Variants in SPTSSA observed in about 807,000 individuals in gnomAD.
SPTSSA encodes small subunit of serine palmitoyltransferase A.
In SPTSSA, 8 loss-of-function variants were observed where a neutral mutation model predicts 9.1. The ratio of observed to expected loss-of-function variants is 0.88; its 90% CI spans 0.51 to 1.58. SPTSSA has a LOEUF of 1.58. Ranked by LOEUF, SPTSSA falls within the 40% of genes most tolerant of loss-of-function variation. The pLI is 0.00. For missense variants in SPTSSA, 100 were observed against 93.8 expected, an observed-to-expected ratio of 1.07 and a Z score of -0.27; for synonymous variants, 42 against 37.7, an observed-to-expected ratio of 1.11 and a Z score of -0.41.
At chr14:34,438,111 C>A (rs907377462) in intron 1 of SPTSSA, among the ~76,000 whole-genome samples, 1 of 152,040 alleles carries the variant, frequency 6.6e-6, no homozygotes, top group South Asian at 2.1e-4. Flanking sequence ...CTGGCCAATC[C>A]CCTTTACTCT....
intron 1 of SPTSSA, among the ~76,000 whole-genome samples, chr14:34,453,228 C>T (rs1840357564): frequency 6.6e-6 from 1 of 152,236 alleles, no homozygotes; most frequent in African/African-American, 2.4e-5. Flanking sequence ...GGCAGTACTC[C>T]TAACCCCCAA....
At chr14:34,448,297 G>A (rs1406414142) in intron 1 of SPTSSA, among the ~76,000 whole-genome samples, 1 of 152,030 alleles carries the variant, frequency 6.6e-6, no homozygotes, top group East Asian at 1.9e-4. Context: ...ACAGAGCAGG[G>A]CGAGAGTTCC....
intron 1 of SPTSSA, among the ~76,000 whole-genome samples, chr14:34,455,288 G>C (rs1178211835): frequency 6.6e-6 from 1 of 151,968 alleles, no homozygotes; most frequent in East Asian, 1.9e-4. Flanking sequence ...TGGGGAGGCT[G>C]ATGCAAGAGA....
At chr14:34,461,088 A>C (rs1878607207) in intron 1 of SPTSSA, among the ~76,000 whole-genome samples, 1 of 152,212 alleles carries the variant, frequency 6.6e-6, no homozygotes, top group African/African-American at 2.4e-5. Flanking sequence ...AGTTATTCTG[A>C]AGTAAGCTAC....
chr14:34,436,365 A>C (rs147385989), intron 1 of SPTSSA, among the ~76,000 whole-genome samples: 1 of 152,292 alleles, frequency 6.6e-6, no homozygotes, highest in Non-Finnish European at 1.5e-5. Flanking sequence ...ATTATGTCAA[A>C]TCTAAGGGCT....
intron 1 of SPTSSA, among the ~76,000 whole-genome samples, chr14:34,443,180 T>C (rs1301714868): frequency 1.6e-5 from 1 of 63,454 alleles, no homozygotes. Flanking sequence ...TGTTTTGAGA[T>C]TGAGTTTTCC....
At chr14:34,460,174 G>GA (rs1461736427) in intron 1 of SPTSSA, among the ~76,000 whole-genome samples, 1 of 152,060 alleles carries the variant, frequency 6.6e-6, no homozygotes, top group Non-Finnish European at 1.5e-5. Flanking sequence ...AGTTGAAGTG[G>GA]AAAAATATAA....
intron 1 of SPTSSA, among the ~76,000 whole-genome samples, chr14:34,438,343 C>A (rs779837372): frequency 6.6e-6 from 1 of 151,960 alleles, no homozygotes; most frequent in African/African-American, 2.4e-5. Flanking sequence ...GTGAGCACAC[C>A]TAATCCAGTA....
At chr14:34,461,983 G>T in intron 1 of SPTSSA, 113 bp downstream of exon 1, 2 of 671,030 alleles carry the variant, frequency 3.0e-6, no homozygotes, top group South Asian at 6.8e-5. Flanking sequence ...CCGCGCACAG[G>T]ACCGGCGGGG....
chr14:34,447,677 T>C (rs10129746), intron 1 of SPTSSA, among the ~76,000 whole-genome samples: 1 of 152,138 alleles, frequency 6.6e-6, no homozygotes, highest in South Asian at 2.1e-4. Context: ...TTGGACTAAG[T>C]TCATGCACTG....
intron 1 of SPTSSA, among the ~76,000 whole-genome samples, chr14:34,458,741 C>T (rs1026509550): frequency 2.7e-5 from 4 of 150,676 alleles, no homozygotes; most frequent in Non-Finnish European, 3.0e-5. Context: ...CCACCGCGCC[C>T]GGCCAAGATT....
At chr14:34,461,205 A>G (rs889372209) in intron 1 of SPTSSA, among the ~76,000 whole-genome samples, 2 of 152,190 alleles carry the variant, frequency 1.3e-5, no homozygotes, top group African/African-American at 4.8e-5. Flanking sequence ...CATCTCATTC[A>G]TTATCAGTAT....
chr14:34,438,509 G>A (rs962024434), intron 1 of SPTSSA, among the ~76,000 whole-genome samples: 2 of 152,084 alleles, frequency 1.3e-5, no homozygotes, highest in Admixed American at 6.5e-5. Context: ...ACTGCAGACA[G>A]ATATTTCTAC....
At chr14:34,454,801 T>A (rs1405219801) in intron 1 of SPTSSA, among the ~76,000 whole-genome samples, 1 of 152,162 alleles carries the variant, frequency 6.6e-6, no homozygotes, top group African/African-American at 2.4e-5. Flanking sequence ...ATTGTTCATT[T>A]CCCAGACAGG....
chr14:34,452,182 G>C (rs1261454367), intron 1 of SPTSSA, among the ~76,000 whole-genome samples: 2 of 149,570 alleles, frequency 1.3e-5, no homozygotes, highest in Non-Finnish European at 3.0e-5. Flanking sequence ...GGAGGCGGAG[G>C]TTGCAGTGAG....
intron 1 of SPTSSA, among the ~76,000 whole-genome samples, chr14:34,455,042 G>A (rs1883592774): frequency 6.6e-6 from 1 of 151,178 alleles, no homozygotes; most frequent in Admixed American, 6.6e-5. Flanking sequence ...ACCCAAGATT[G>A]CGCCACTGCA....
chr14:34,452,154 C>A (rs1883538956), intron 1 of SPTSSA, among the ~76,000 whole-genome samples: 1 of 148,940 alleles, frequency 6.7e-6, no homozygotes, highest in South Asian at 2.1e-4. Context: ...GAGGCTAAGG[C>A]ATGAGAATTT....
chr14:34,441,636 C>G (rs932502563), intron 1 of SPTSSA, among the ~76,000 whole-genome samples: 3 of 151,786 alleles, frequency 2.0e-5, no homozygotes, highest in African/African-American at 7.3e-5. Context: ...TTCTCCTTTT[C>G]TTTTCTGCTC....
At chr14:34,451,615 C>T (rs1458070569) in intron 1 of SPTSSA, among the ~76,000 whole-genome samples, 1 of 151,396 alleles carries the variant, frequency 6.6e-6, no homozygotes, top group Non-Finnish European at 1.5e-5. Context: ...CCCAGCTACT[C>T]CGGAGGCTGA....
Sources: allele counts gnomAD v4.1 joint callset (sites outside exome capture counted in the v4.1 genomes callset), GRCh38; gene constraint gnomAD v4.1.1; transcripts MANE v1.5; gene names NCBI Gene and HGNC (gene_info 2026-07-23, HGNC 2026-07-21).